The following FMN1 variants were observed in gnomAD, a reference collection of about 807,000 sequenced individuals.
FMN1 encodes formin-1.
Under a neutral mutation model 132.4 loss-of-function variants are expected in FMN1, and 110 were observed. The ratio of observed to expected loss-of-function variants is 0.83; its 90% CI spans 0.71 to 0.97. The LOEUF is 0.97. Among genes scored for constraint, FMN1 ranks in the 50% least tolerant of loss-of-function variants. The pLI is 0.00. For missense variants in FMN1, 1,792 were observed against 1,705.3 expected, an observed-to-expected ratio of 1.05 and a Z score of -0.90; for synonymous variants, 722 against 651.7, an observed-to-expected ratio of 1.11 and a Z score of -1.64.
intron 16 of FMN1, among the ~76,000 whole-genome samples, chr15:32,870,684 A>G (rs1474334410): frequency 6.6e-6 from 1 of 152,222 alleles, no homozygotes. Flanking sequence ...GCGAGACATT[A>G]GCATGAAACA....
intron 6 of FMN1, chr15:33,064,756 G>C (rs1267450707): frequency 2.4e-6 from 1 of 409,210 alleles, no homozygotes; most frequent in Non-Finnish European, 4.4e-6. Flanking sequence ...TCATTCCACT[G>C]CATTCATCTT....
chr15:33,173,934 T>C (rs1965423039), intron 3 of FMN1, among the ~76,000 whole-genome samples: 1 of 149,042 alleles, frequency 6.7e-6, no homozygotes, highest in Non-Finnish European at 1.5e-5. Context: ...AAATAAAAAA[T>C]TAAAAAAGAA....
In FMN1 at chr15:33,153,113, T is replaced by G; in HGVS notation, c.1802A>C (p.Glu601Ala). The change falls in exon 4 of 21, where the codon GAA (glutamate) becomes GCA (alanine). Residue 601 changes from glutamate (E) to alanine (A), a missense_variant. Glu to Ala is a moderately radical substitution (Grantham distance 107). Coordinates refer to ENST00000616417, the MANE Select transcript of FMN1 (RefSeq NM_001277313.2). ...RAGQPRLVPG[E>A]TLEKSLGPGK... Reference sequence around the variant, plus strand: ...TGGCCCCAAGCTCTTTTCCAAAGTTTCCCCAGGCACCAACCGAGGTTGGCC... The same window carrying G: ...TGGCCCCAAGCTCTTTTCCAAAGTTGCCCCAGGCACCAACCGAGGTTGGCC... 1.3e-6 allele frequency: 2 copies of G among 1,536,008 alleles called. No individual in the cohort carries two copies. Among genetic ancestry groups the G allele is most frequent in the South Asian group, 1.2e-5 (1 of 84,036 alleles).
At chr15:32,910,572 T>G in intron 10 of FMN1, 37 bp from the exon 11 acceptor site, 1 of 1,467,068 alleles carries the variant, frequency 6.8e-7, no homozygotes, top group Non-Finnish European at 9.4e-7. Flanking sequence ...GATAAGGGAT[T>G]TGATTAGGTC....
In FMN1 at chr15:33,082,093, ATGTGTGTGTGTGTG is replaced by A. The variant is rs61138142; in HGVS notation, c.2043+6692_2043+6705del. On this transcript the variant is annotated intron_variant, in intron 5 of 20. Coordinates refer to ENST00000616417, the MANE Select transcript of FMN1 (RefSeq NM_001277313.2). Reference sequence around the variant, plus strand: ...GCTTTGTCACCCAGGCTGGAAAACAATGTGTGTGTGTGTGTGTGTGTGTGTGTGTGTGTGTGTGT... The same window carrying A: ...GCTTTGTCACCCAGGCTGGAAAACAATGTGTGTGTGTGTGTGTGTGTGTGT... Among the ~76,000 whole-genome samples, 64 of 120,404 alleles carry A rather than the reference ATGTGTGTGTGTGTG, an allele frequency of 5.3e-4. No homozygotes were observed. In the South Asian group the frequency reaches 5.5e-3, roughly 10 times the overall value. The allele number at this position is 120,404 out of a possible 152,430, so 79.0% of individuals were successfully genotyped here.
At chr15:32,828,095 C>G (rs143433632) in intron 17 of FMN1, among the ~76,000 whole-genome samples, 11 of 152,102 alleles carry the variant, frequency 7.2e-5, no homozygotes, top group Non-Finnish European at 1.6e-4. Context: ...GAGTTTGAAA[C>G]CAGCCTGACC....
chr15:33,029,883 T>A (rs1002861391), intron 6 of FMN1, among the ~76,000 whole-genome samples: 1 of 152,116 alleles, frequency 6.6e-6, no homozygotes, highest in Non-Finnish European at 1.5e-5. Flanking sequence ...AAAGGCCAGG[T>A]GCGGTGGCTC....
At chr15:33,102,623 A>G (rs761907174) in intron 4 of FMN1, among the ~76,000 whole-genome samples, 1 of 152,072 alleles carries the variant, frequency 6.6e-6, no homozygotes, top group African/African-American at 2.4e-5. Flanking sequence ...TATTATGGAG[A>G]CCACAATGGC....
At chr15:32,981,675 T>C (rs1423082250) in intron 7 of FMN1, among the ~76,000 whole-genome samples, 2 of 151,868 alleles carry the variant, frequency 1.3e-5, no homozygotes, top group Admixed American at 1.3e-4. Context: ...ACTTAGGACC[T>C]TGGATTAGGC....
At chr15:32,875,279 G>A (rs935149577) in intron 16 of FMN1, among the ~76,000 whole-genome samples, 1 of 151,908 alleles carries the variant, frequency 6.6e-6, no homozygotes, top group African/African-American at 2.4e-5. Context: ...TGAATCCAGG[G>A]GTAACAGACC....
intron 4 of FMN1, among the ~76,000 whole-genome samples, chr15:33,136,897 G>A (rs1299630368): frequency 3.3e-5 from 5 of 151,922 alleles, no homozygotes; most frequent in Non-Finnish European, 7.4e-5. Context: ...AAACCAGCCT[G>A]GCCAACATGG....
chr15:33,163,509 G>C (rs535440796), intron 3 of FMN1, among the ~76,000 whole-genome samples: 54 of 152,130 alleles, frequency 3.5e-4, no homozygotes, highest in Non-Finnish European at 6.8e-4. Context: ...GGTCAGGCTA[G>C]TCTTGAACTC....
chr15:32,831,700 G>C (rs1002852843), intron 17 of FMN1, among the ~76,000 whole-genome samples: 2 of 151,240 alleles, frequency 1.3e-5, no homozygotes, highest in Non-Finnish European at 2.9e-5. Flanking sequence ...CTCAGAGACT[G>C]ACACAAATAA....
chr15:32,856,193 C>T (rs1425949396), intron 17 of FMN1, among the ~76,000 whole-genome samples: 2 of 152,170 alleles, frequency 1.3e-5, no homozygotes, highest in African/African-American at 4.8e-5. Context: ...AGTGGCCTTA[C>T]TCAGTAATAG....
At chr15:33,091,914 A>G (rs573322226) in intron 4 of FMN1, among the ~76,000 whole-genome samples, 1 of 152,228 alleles carries the variant, frequency 6.6e-6, no homozygotes, top group Non-Finnish European at 1.5e-5. Context: ...TCTTTAGAGA[A>G]TATTTTGTGA....
intron 4 of FMN1, chr15:33,150,603 C>T: frequency 1.0e-6 from 1 of 985,442 alleles, no homozygotes; most frequent in Non-Finnish European, 1.2e-6. Context: ...ACTGCTTAGT[C>T]TTGTAACAAG....
intron 6 of FMN1, among the ~76,000 whole-genome samples, chr15:33,048,644 A>AAAAAAAAAAAAAAAAAAAAC: frequency 3.7e-4 from 32 of 86,928 alleles, no homozygotes; most frequent in African/African-American, 1.2e-3. Context: ...AAAAAAAAAA[A>AAAAAAAAAAAAAAAAAAAAC]AAAAACCAAC....
chr15:33,097,379 A>G (rs2039129180), intron 4 of FMN1, among the ~76,000 whole-genome samples: 1 of 152,088 alleles, frequency 6.6e-6, no homozygotes, highest in Admixed American at 6.5e-5. Context: ...ATTGGCTTCA[A>G]TTTTCCAAAT....
At chr15:32,865,940 T>C (rs2059382664) in intron 16 of FMN1, among the ~76,000 whole-genome samples, 1 of 152,110 alleles carries the variant, frequency 6.6e-6, no homozygotes, top group Non-Finnish European at 1.5e-5. Flanking sequence ...TGCTAACTTT[T>C]GGAAAATTAA....
Sources: allele counts gnomAD v4.1 joint callset (sites outside exome capture counted in the v4.1 genomes callset), GRCh38; gene constraint gnomAD v4.1.1; transcripts MANE v1.5; gene names NCBI Gene and HGNC (gene_info 2026-07-23, HGNC 2026-07-21).